The following STOX2 variants were observed in gnomAD, a reference collection of about 807,000 sequenced individuals.
STOX2 encodes the protein storkhead box 2, also known as storkhead-box protein 2.
STOX2 carries 28 observed loss-of-function variants against 60.9 expected under a neutral mutation model. The ratio of observed to expected loss-of-function variants is 0.46; its 90% CI spans 0.34 to 0.63. The LOEUF (loss-of-function observed/expected upper bound fraction) is 0.63. STOX2 is among the 30% of genes least tolerant of loss of function. The pLI, the probability that STOX2 is intolerant of heterozygous loss-of-function variation, is 0.01. For missense variants in STOX2, 1,024 were observed against 1,187.7 expected, an observed-to-expected ratio of 0.86 and a Z score of 2.03; for synonymous variants, 472 against 463.9, an observed-to-expected ratio of 1.02 and a Z score of -0.22.
chr4:183,807,053 A>G (rs935432860), intron 1 of STOX2, among the ~76,000 whole-genome samples: 1 of 151,972 alleles, frequency 6.6e-6, no homozygotes, highest in Non-Finnish European at 1.5e-5. Context: ...GCTCACTGCA[A>G]GCTCCGTCTC....
intron 1 of STOX2, among the ~76,000 whole-genome samples, chr4:183,943,104 A>G (rs1471541775): frequency 6.6e-6 from 1 of 152,246 alleles, no homozygotes; most frequent in Admixed American, 6.5e-5. Context: ...ATAAAAGTTT[A>G]GGCTGGAAGA....
intron 1 of STOX2, among the ~76,000 whole-genome samples, chr4:183,841,488 C>A (rs1223805601): frequency 6.6e-6 from 1 of 152,150 alleles, no homozygotes; most frequent in Non-Finnish European, 1.5e-5. Context: ...TCTGGGATTA[C>A]AGGCTTGAGC....
rs1344170474 is a variant in STOX2, at chr4:183,906,482, T to G, written c.-309T>G. The G allele has an allele frequency of 4.0e-5, 2 of 50,006 alleles. No individual in the cohort carries two copies. The highest frequency in any genetic ancestry group is 1.6e-4 in the African/African-American group (2 of 12,622). The allele number at this position is 50,006 out of a possible 1,614,324, so 3.1% of individuals were successfully genotyped here. On this transcript the variant is annotated 5_prime_UTR_variant, in exon 1 of 4. Coordinates refer to ENST00000308497, the MANE Select transcript of STOX2 (RefSeq NM_020225.3). ...CCACCCCGCCCGCCCCCTCCCCGCC[T>G]CCTCCCGGCCGGGGAGCCTCCTAAC...
At chr4:183,915,358 A>C (rs1201710335) in intron 1 of STOX2, among the ~76,000 whole-genome samples, 1 of 151,932 alleles carries the variant, frequency 6.6e-6, no homozygotes, top group Admixed American at 6.6e-5. Flanking sequence ...TTTGCTTTGA[A>C]ATTGTCTCGT....
At position 184,009,819 on chromosome 4, in the gene STOX2, C is replaced by A; in HGVS notation, c.981C>A (p.Val327=). ...ACCCAGACCTGACCGTGGAAAATGT[C>A]ATGCGGCACACCGCGCTCATGAAGA... is the stretch of plus-strand genomic sequence containing the variant. ...RINPDLTVEN[V]MRHTALMKKL... is the part of the protein sequence containing the mutation. The change falls in exon 3 of 4, where the codon GTC becomes GTA. Residue 327 remains valine (V), a synonymous_variant. Transcript: ENST00000308497. This position sits in a 1 kb window ranked among gnomAD's most constrained non-coding sequence, Gnocchi z 4.0. 2 of 1,612,142 alleles carry A rather than the reference C, an allele frequency of 1.2e-6. No homozygotes were observed. Among genetic ancestry groups the A allele is most frequent in the Non-Finnish European group, 8.5e-7 (1 of 1,179,126 alleles).
In STOX2 at chr4:184,018,616, G is replaced by GT. The variant is rs1734467075; in HGVS notation, c.*1337dup. On this transcript the variant is annotated 3_prime_UTR_variant, in exon 4 of 4. Transcript: ENST00000308497. ...TACTTTGTAACCAATTTCAGGAGGCGTTTTTAGCTGGATGTGTAGTTAATT... is the reference window on the plus strand; with the variant it reads ...TACTTTGTAACCAATTTCAGGAGGCGTTTTTTAGCTGGATGTGTAGTTAATT... The GT allele has an allele frequency of 6.6e-6, 1 of 152,146 alleles. No individual in the cohort carries two copies. The highest frequency in any genetic ancestry group is 1.5e-5 in the Non-Finnish European group (1 of 68,028). The allele number at this position is 152,146 out of a possible 1,614,324, so 9.4% of individuals were successfully genotyped here. A position where few individuals can be genotyped will look rare whatever the true frequency, so the allele number is the denominator to read the frequency against.
intron 1 of STOX2, among the ~76,000 whole-genome samples, chr4:183,832,233 G>A (rs928208403): frequency 9.9e-5 from 15 of 151,666 alleles, no homozygotes; most frequent in Admixed American, 3.9e-4. Flanking sequence ...CAGGTGGTCC[G>A]CCCACCATGG....
rs1438826244 is a variant in STOX2 at position 184,021,205 on chromosome 4, A to G, written c.*3921A>G. 1 of 152,230 alleles carries G rather than the reference A, an allele frequency of 6.6e-6. No homozygotes were observed. Among genetic ancestry groups the G allele is most frequent in the African/African-American group, 2.4e-5 (1 of 41,448 alleles). 9.4% of individuals were successfully genotyped at this position (152,230 alleles called of 1,614,324 possible). ...TGGGATCTCAAAGTGCTTCCAAAGC[A>G]TTCAGATTTACAAACAATTCACAAG... On this transcript the variant is annotated 3_prime_UTR_variant, in exon 4 of 4. Coordinates refer to ENST00000308497, the MANE Select transcript of STOX2 (RefSeq NM_020225.3).
chr4:183,846,500 A>G (rs144282255), intron 1 of STOX2, among the ~76,000 whole-genome samples: 4 of 152,234 alleles, frequency 2.6e-5, no homozygotes, highest in Non-Finnish European at 5.9e-5. Context: ...CGATTGACCT[A>G]TCTTCAAGTT....
In STOX2 at chr4:183,851,597, G is replaced by C. The variant is rs1299434868; in HGVS notation, c.364+53542G>C. Among the ~76,000 whole-genome samples the C allele has an allele frequency of 4.1e-5, 5 of 122,574 alleles. No individual in the cohort carries two copies. The South Asian group carries it at 1.5e-3, about 38-fold the overall frequency. 80.4% of individuals were successfully genotyped at this position (122,574 alleles called of 152,430 possible). ...TGAGAGAAAGGATGAGGGAAAGGAT[G>C]AGGGAAAGGATGAGAGAAAGGATGA... On this transcript the variant is annotated intron_variant, in intron 1 of 2. Coordinates refer to the STOX2 transcript ENST00000513034.
chr4:184,007,136 C>T (rs79644114), intron 2 of STOX2, among the ~76,000 whole-genome samples: 268 of 151,878 alleles, frequency 1.8e-3, no homozygotes, highest in Middle Eastern at 3.4e-3. Context: ...GGAAACCATG[C>T]GACTCAAAAA....
At chr4:183,802,867 T>A (rs1738799722) in intron 1 of STOX2, among the ~76,000 whole-genome samples, 1 of 152,180 alleles carries the variant, frequency 6.6e-6, no homozygotes, top group African/African-American at 2.4e-5. Context: ...TTGATCCGCC[T>A]GCCTTGGCCT....
In STOX2 at chr4:183,876,578, G is replaced by A. The variant is rs557618726; in HGVS notation, c.364+78523G>A. On this transcript the variant is annotated intron_variant, in intron 1 of 2. Transcript: ENST00000513034. ...GGGATGGCAAGGAGAGGTTGCCAGC[G>A]CCAGTGGTTTGAAAGGTGCTGAGGC... Among the ~76,000 whole-genome samples, 7 of 152,334 alleles carry A rather than the reference G, an allele frequency of 4.6e-5. 1 individual carries two copies. In the South Asian group the frequency reaches 8.3e-4, roughly 18 times the overall value.
At chr4:183,892,144 A>G (rs1433896403) in intron 1 of STOX2, among the ~76,000 whole-genome samples, 2 of 152,146 alleles carry the variant, frequency 1.3e-5, no homozygotes, top group African/African-American at 4.8e-5. Context: ...AAATTCTGAA[A>G]AGGTGGTCAA....
intron 2 of STOX2, among the ~76,000 whole-genome samples, chr4:184,007,045 A>AAAAAAAAAAAAAAAAAAAAAAAAAAAC: frequency 8.4e-6 from 1 of 118,474 alleles, no homozygotes; most frequent in Non-Finnish European, 1.8e-5. Context: ...AAACAAAAAA[A>AAAAAAAAAAAAAAAAAAAAAAAAAAAC]AAATTTTGTT....
intron 1 of STOX2, among the ~76,000 whole-genome samples, chr4:183,973,661 A>G (rs1743805192): frequency 6.6e-6 from 1 of 152,242 alleles, no homozygotes; most frequent in African/African-American, 2.4e-5. Flanking sequence ...CAACAGTAGT[A>G]ATACCTGAGT....
At chr4:183,823,934 T>G (rs1739363446) in intron 1 of STOX2, among the ~76,000 whole-genome samples, 1 of 149,122 alleles carries the variant, frequency 6.7e-6, no homozygotes, top group Non-Finnish European at 1.5e-5. Flanking sequence ...GCAAGGCAAT[T>G]TTGTCCTTCA....
chr4:183,810,907 C>T (rs1739020312), intron 1 of STOX2, among the ~76,000 whole-genome samples: 1 of 152,024 alleles, frequency 6.6e-6, no homozygotes, highest in Non-Finnish European at 1.5e-5. Context: ...TAAGACAAGG[C>T]ACGAGGGGAT....
chr4:183,982,477 T>C (rs1732691308), intron 1 of STOX2, among the ~76,000 whole-genome samples: 1 of 152,164 alleles, frequency 6.6e-6, no homozygotes. Flanking sequence ...TTTTGTTGAG[T>C]TTTTAATTTG....
Sources: gnomAD v4.1 joint callset for allele counts (sites outside exome capture counted in the v4.1 genomes callset) on GRCh38, gnomAD v4.1.1 for gene constraint, Gnocchi (gnomAD v3.1) non-coding constraint, MANE v1.5 for transcripts, NCBI Gene and HGNC (gene_info 2026-07-23, HGNC 2026-07-21) for gene names.